SH3BP4: variants seen among roughly 807,000 people sequenced by gnomAD.
SH3BP4 encodes SH3 domain-binding protein 4.
SH3BP4 carries 33 observed loss-of-function variants against 65.5 expected under a neutral mutation model. The observed-to-expected ratio is 0.50, with a 90% confidence interval of 0.38 to 0.67. The LOEUF is 0.67. SH3BP4 is among the 30% of genes least tolerant of loss of function. SH3BP4 has a pLI of 0.00. For missense variants in SH3BP4, 1,134 were observed against 1,261.4 expected, an observed-to-expected ratio of 0.90 and a Z score of 1.53; for synonymous variants, 552 against 545.5, an observed-to-expected ratio of 1.01 and a Z score of -0.17.
chr2:234,982,249 C>T (rs116754038), intron 1 of SH3BP4, among the ~76,000 whole-genome samples: 2,919 of 152,270 alleles, frequency 0.019, 85 homozygotes, highest in African/African-American at 0.066. Flanking sequence ...AGCGGGGCAT[C>T]GCTGGCACCA....
intron 1 of SH3BP4, among the ~76,000 whole-genome samples, chr2:234,962,448 C>CA (rs912952620): frequency 1.3e-4 from 19 of 151,196 alleles, no homozygotes; most frequent in African/African-American, 2.2e-4. Flanking sequence ...TCTTCTTTTC[C>CA]AAAAAAAATA....
intron 2 of SH3BP4, among the ~76,000 whole-genome samples, chr2:235,002,227 G>A (rs936129501): frequency 1.2e-4 from 18 of 152,174 alleles, no homozygotes; most frequent in African/African-American, 3.6e-4. Context: ...AGGAAGCTGC[G>A]GGAGAGAACT....
intron 1 of SH3BP4, among the ~76,000 whole-genome samples, chr2:234,981,369 A>G (rs1171084556): frequency 1.3e-5 from 2 of 152,040 alleles, no homozygotes; most frequent in Non-Finnish European, 2.9e-5. Flanking sequence ...CTGTTCAGAT[A>G]GCTCATTCCA....
At position 234,976,506 on chromosome 2, in the gene SH3BP4, C is replaced by T. The variant is rs950642504; in HGVS notation, c.-206-18797C>T. On this transcript the variant is annotated intron_variant, in intron 1 of 5. Transcript: ENST00000392011. This position sits in a 1 kb window ranked among gnomAD's most constrained non-coding sequence, Gnocchi z 4.7. ...CTGCAGTTAAGCAGGGCTACCGTCT[C>T]TCGGCCCGGGGCTTCTTGTTTCATG... Among the ~76,000 whole-genome samples, 1 of 152,090 alleles carries T rather than the reference C, an allele frequency of 6.6e-6. No homozygotes were observed. Among genetic ancestry groups the T allele is most frequent in the Non-Finnish European group, 1.5e-5 (1 of 68,034 alleles).
At chr2:235,019,632 C>T (rs960599972) in intron 2 of SH3BP4, among the ~76,000 whole-genome samples, 4 of 151,744 alleles carry the variant, frequency 2.6e-5, no homozygotes, top group African/African-American at 9.7e-5. Context: ...GATGGGGTTT[C>T]ACCATGTTGG....
chr2:234,957,614 C>T (rs188896926), intron 1 of SH3BP4, among the ~76,000 whole-genome samples: 5 of 151,772 alleles, frequency 3.3e-5, no homozygotes, highest in Admixed American at 1.3e-4. Context: ...TAAAATCACC[C>T]GGGAGCTTAA....
intron 2 of SH3BP4, among the ~76,000 whole-genome samples, chr2:235,008,998 C>G (rs116662789): frequency 6.6e-6 from 1 of 152,172 alleles, no homozygotes; most frequent in East Asian, 1.9e-4. Flanking sequence ...GACAGGTGGA[C>G]GGACAGCTTG....
At chr2:235,051,263 A>G (rs1286334961) in intron 4 of SH3BP4, among the ~76,000 whole-genome samples, 1 of 152,114 alleles carries the variant, frequency 6.6e-6, no homozygotes, top group East Asian at 1.9e-4. Context: ...CAGTCATGTG[A>G]CTTGGCACAG....
intron 1 of SH3BP4, among the ~76,000 whole-genome samples, chr2:234,957,963 AG>A (rs1240508040): frequency 6.6e-6 from 1 of 152,156 alleles, no homozygotes; most frequent in Non-Finnish European, 1.5e-5. Flanking sequence ...GTCCTCCTCC[AG>A]GGGCACGTGT....
chr2:235,020,583 T>C (rs1694822134), intron 2 of SH3BP4, among the ~76,000 whole-genome samples: 2 of 152,304 alleles, frequency 1.3e-5, no homozygotes, highest in African/African-American at 4.8e-5. Flanking sequence ...ACGGCATTCA[T>C]GGCGATGACA....
intron 1 of SH3BP4, among the ~76,000 whole-genome samples, chr2:234,988,099 G>T (rs527387893): frequency 4.0e-5 from 6 of 151,822 alleles, no homozygotes; most frequent in Non-Finnish European, 7.4e-5. Flanking sequence ...TCACTCTGTC[G>T]CCCAGGCTGG....
rs1014273613 is a variant in SH3BP4 at position 235,052,327 on chromosome 2, G to A, written c.2479-235G>A. Among the ~76,000 whole-genome samples the A allele has an allele frequency of 2.6e-5, 4 of 152,162 alleles. No individual in the cohort carries two copies. The highest frequency in any genetic ancestry group is 1.9e-4 in the East Asian group (1 of 5,190). ...GTAAGGTCACGTTCTGAGGTTCTGG[G>A]TGGATGTGGGCTTTGGAGGGAGACA... On this transcript the variant is annotated intron_variant, in intron 4 of 5. Transcript: ENST00000392011. The surrounding 1 kb of genome is among the most constrained non-coding windows in gnomAD (Gnocchi z 5.0).
intron 2 of SH3BP4, among the ~76,000 whole-genome samples, chr2:235,032,007 A>G (rs1376110103): frequency 6.6e-6 from 1 of 152,262 alleles, no homozygotes; most frequent in African/African-American, 2.4e-5. Context: ...ATGTGAAACC[A>G]GGCAATGCTA....
chr2:234,983,514 G>C (rs143329230), intron 1 of SH3BP4, among the ~76,000 whole-genome samples: 9 of 152,268 alleles, frequency 5.9e-5, no homozygotes, highest in Non-Finnish European at 1.2e-4. Context: ...TTTTTGATAC[G>C]GTGTGGTCGG....
intron 1 of SH3BP4, among the ~76,000 whole-genome samples, chr2:234,987,547 A>G (rs1315548667): frequency 6.6e-6 from 1 of 152,166 alleles, no homozygotes; most frequent in African/African-American, 2.4e-5. Flanking sequence ...CAGACCCTTC[A>G]TTCCCCAGGC....
At chr2:235,023,125 A>G (rs1256882028) in intron 2 of SH3BP4, among the ~76,000 whole-genome samples, 2 of 152,220 alleles carry the variant, frequency 1.3e-5, no homozygotes, top group Admixed American at 1.3e-4. Context: ...ACACAATTAG[A>G]GGTGCTCAGT....
chr2:235,035,035 C>T lies in SH3BP4; in HGVS notation c.33C>T (p.Ser11=). The T allele has an allele frequency of 1.9e-6, 3 of 1,614,124 alleles. No homozygotes were observed. Among genetic ancestry groups the T allele is most frequent in the Non-Finnish European group, 1.7e-6 (2 of 1,180,034 alleles). The change falls in exon 3 of 6, where the codon TCC becomes TCT. Residue 11 remains serine, a synonymous_variant. Transcript: ENST00000392011. This position sits in a 1 kb window ranked among gnomAD's most constrained non-coding sequence, Gnocchi z 5.0. ...CTCAGCGGATCCGAGCGGCCAACTC[C>T]AATGGCCTCCCTCGCTGCAAGTCAG... The part of the protein sequence containing the change: MAAQRIRAAN[S]NGLPRCKSEG...
intron 2 of SH3BP4, among the ~76,000 whole-genome samples, chr2:235,032,767 G>T (rs1017760712): frequency 6.6e-6 from 1 of 152,124 alleles, no homozygotes; most frequent in Non-Finnish European, 1.5e-5. Context: ...GAGGGGTGGA[G>T]TGTGGGGTGG....
rs143708688 is a variant in SH3BP4, at chr2:235,048,924, A to C, written c.2479-3638A>C. 1.3e-3 allele frequency among the ~76,000 whole-genome samples: 192 copies of C among 152,334 alleles called. 1 individual carries two copies. Among genetic ancestry groups the C allele is most frequent in the African/African-American group, 4.3e-3 (179 of 41,590 alleles). On this transcript the variant is annotated intron_variant, in intron 4 of 5. Coordinates refer to ENST00000392011, the MANE Select transcript of SH3BP4 (RefSeq NM_014521.3). ...GGTGTACCTGTGTGCCCATAAAAAG[A>C]GGAAGCTGCAAGGATCAAGTTCATA...
Sources: allele counts gnomAD v4.1 joint callset (sites outside exome capture counted in the v4.1 genomes callset), GRCh38; gene constraint gnomAD v4.1.1; non-coding constraint Gnocchi (gnomAD v3.1); transcripts MANE v1.5; gene names NCBI Gene and HGNC (gene_info 2026-07-23, HGNC 2026-07-21).